NEXMIF: variants seen among roughly 807,000 people sequenced by gnomAD.
NEXMIF encodes the protein XLMR protein related to neurite extension.
Under a neutral mutation model 62.1 loss-of-function variants are expected in NEXMIF, and 8 were observed. The observed-to-expected ratio is 0.13, with a 90% CI of 0.08 to 0.23. The LOEUF (loss-of-function observed/expected upper bound fraction) is 0.23. NEXMIF is among the 10% of genes least tolerant of loss of function. The pLI is 1.00. For synonymous variants in NEXMIF, 404 were observed against 416.6 expected (o/e 0.97, Z 0.37); for missense variants, 976 against 1,113.3 (o/e 0.88, Z 1.75).
intron 1 of NEXMIF, among the ~76,000 whole-genome samples, chrX:74,875,572 C>T (rs1016696928): frequency 8.9e-6 from 1 of 111,862 alleles, no homozygotes; most frequent in Non-Finnish European, 1.9e-5. Context: ...AGGAATGGTA[C>T]CAGTTCCTCC....
Position 74,743,247 on chromosome X carries a change from C to T in NEXMIF, c.1310G>A (p.Gly437Glu). 8.3e-7 allele frequency: 1 copy of T among 1,211,409 alleles called. No individual in the cohort carries two copies. Among genetic ancestry groups the T allele is most frequent in the Non-Finnish European group, 1.1e-6 (1 of 895,447 alleles). The change falls in exon 3 of 4, where the codon GGG becomes GAG. Residue 437 changes from glycine (G) to glutamate (E), a missense_variant. Gly to Glu is a moderately conservative substitution (Grantham distance 98). This residue lies in a region of NEXMIF where 639 missense variants were observed against 694.5 expected (regional missense o/e 0.92). Transcript: ENST00000055682. The stretch of plus-strand genomic sequence containing the variant: ...GAAGGAACTATCATCACTGAAACTC[C>T]CTGATGTCTCCAGGGAATTAGCAAG... Reference protein sequence around the residue: ...GHLANSLETSGSFSDDSSFIE... With the variant: ...GHLANSLETSESFSDDSSFIE...
At chrX:74,917,370 G>A (rs998702203) in intron 1 of NEXMIF, among the ~76,000 whole-genome samples, 5 of 111,880 alleles carry the variant, frequency 4.5e-5, no homozygotes, top group African/African-American at 1.6e-4. Context: ...TTCTTGTACA[G>A]CCTGTGGGAC....
chrX:74,742,470 C>T lies in NEXMIF; in HGVS notation c.2087G>A (p.Gly696Asp). Residue 696 changes from glycine to aspartate, a missense_variant, in exon 3 of 4, where the codon GGC becomes GAC. Around this residue, in one of 5 missense-constraint regions of NEXMIF, gnomAD observed 639 missense variants for 694.5 expected, o/e 0.92. Coordinates refer to ENST00000055682, the MANE Select transcript of NEXMIF (RefSeq NM_001008537.3). Reference sequence around the variant, plus strand: ...GGCTTTGACTTTCACTGAGTCAGGGCCTGTGATGTCATTTAAATGTGATCC... The same window carrying T: ...GGCTTTGACTTTCACTGAGTCAGGGTCTGTGATGTCATTTAAATGTGATCC... Reference protein sequence around the residue: ...ANGSHLNDITGPDSVKVKAQD... With the variant: ...ANGSHLNDITDPDSVKVKAQD... 8.3e-7 allele frequency: 1 copy of T among 1,209,339 alleles called. No individual in the cohort carries two copies. The highest frequency in any genetic ancestry group is 2.3e-4 in the Middle Eastern group (1 of 4,353).
intron 1 of NEXMIF, among the ~76,000 whole-genome samples, chrX:74,911,832 T>C (rs1689045254): frequency 1.8e-5 from 2 of 112,358 alleles, no homozygotes; most frequent in South Asian, 7.5e-4. Flanking sequence ...CAGGTCTTGC[T>C]AAGGGAAAAG....
At chrX:74,889,745 G>GT (rs1491419926) in intron 1 of NEXMIF, among the ~76,000 whole-genome samples, 5 of 79,905 alleles carry the variant, frequency 6.3e-5, no homozygotes, top group Non-Finnish European at 1.3e-4. Context: ...AAAGGAATGA[G>GT]TTAAAAGATC....
In NEXMIF at chrX:74,902,961, T is replaced by C. The variant is rs1057204481; in HGVS notation, c.-48+21922A>G. Among the ~76,000 whole-genome samples the C allele has an allele frequency of 2.7e-5, 3 of 111,493 alleles. No homozygotes were observed. In the Admixed American group the frequency reaches 2.9e-4, roughly 11 times the overall value. On this transcript the variant is annotated intron_variant, in intron 1 of 3. Coordinates refer to ENST00000055682, the MANE Select transcript of NEXMIF (RefSeq NM_001008537.3). ...GCCCAGTTTGAAGGGTAAATGCTAC[T>C]GCAGTGCCTAAGGCCACTCCTTATT...
At chrX:74,796,154 CAT>C (rs1235440687) in intron 1 of NEXMIF, among the ~76,000 whole-genome samples, 13 of 43,837 alleles carry the variant, frequency 3.0e-4, no homozygotes, top group African/African-American at 5.4e-4. Flanking sequence ...TATATATATA[CAT>C]ATATATTATA....
rs148717498 is a variant in NEXMIF at position 74,744,176 on chromosome X, C to T, written c.381G>A (p.Glu127=). The T allele has an allele frequency of 4.7e-5, 57 of 1,209,661 alleles. No homozygotes were observed. Among genetic ancestry groups the T allele is most frequent in the Non-Finnish European group, 6.0e-5 (54 of 895,114 alleles). ...ECEKAPFAIM[E]PAGMSALNGD... ...CATTCAGAGCTGACATGCCTGCAGG[C>T]TCCATTATGGCAAATGGAGCTTTCT... Residue 127 remains glutamate (E), a synonymous_variant, in exon 3 of 4, where the codon GAG becomes GAA. Transcript: ENST00000055682.
chrX:74,745,991 C>T (rs774097073), intron 1 of NEXMIF, among the ~76,000 whole-genome samples: 5 of 111,796 alleles, frequency 4.5e-5, no homozygotes, highest in Admixed American at 1.9e-4. Context: ...AATAGTAATG[C>T]ATTTAACCTA....
chrX:74,905,164 A>C (rs2080763372), intron 1 of NEXMIF, among the ~76,000 whole-genome samples: 2 of 112,122 alleles, frequency 1.8e-5, no homozygotes, highest in South Asian at 7.4e-4. Flanking sequence ...AAATTCCAAA[A>C]CAAGATATTG....
intron 1 of NEXMIF, among the ~76,000 whole-genome samples, chrX:74,908,807 G>A (rs1158948398): frequency 8.9e-6 from 1 of 111,925 alleles, no homozygotes; most frequent in Non-Finnish European, 1.9e-5. Context: ...GTTGTGGGAG[G>A]GACTCAGTGG....
chrX:74,787,083 A>AC (rs2147461673), intron 1 of NEXMIF, among the ~76,000 whole-genome samples: 1 of 85,724 alleles, frequency 1.2e-5, no homozygotes, highest in African/African-American at 4.6e-5. Flanking sequence ...ACATGGTGAA[A>AC]CCCTGTCTCT....
At chrX:74,782,665 C>T (rs1244293090) in intron 1 of NEXMIF, among the ~76,000 whole-genome samples, 1 of 112,169 alleles carries the variant, frequency 8.9e-6, no homozygotes, top group Non-Finnish European at 1.9e-5. Flanking sequence ...CTCCCACCCT[C>T]TTTATGTGCT....
intron 1 of NEXMIF, among the ~76,000 whole-genome samples, chrX:74,924,631 C>G (rs1386896864): frequency 8.8e-6 from 1 of 113,683 alleles, no homozygotes; most frequent in Non-Finnish European, 1.9e-5. Context: ...CCCCTTCCTA[C>G]GGCGCAAGCA....
At chrX:74,856,231 A>G (rs1343545069) in intron 1 of NEXMIF, among the ~76,000 whole-genome samples, 1 of 112,451 alleles carries the variant, frequency 8.9e-6, no homozygotes, top group Non-Finnish European at 1.9e-5. Context: ...ATAAAGACAC[A>G]TAAGTTGTAA....
chrX:74,853,145 G>C (rs1486906405), intron 1 of NEXMIF, among the ~76,000 whole-genome samples: 1 of 110,076 alleles, frequency 9.1e-6, no homozygotes, highest in Non-Finnish European at 1.9e-5. Flanking sequence ...ATTTAGGAGC[G>C]GAAAGTTTAA....
intron 1 of NEXMIF, among the ~76,000 whole-genome samples, chrX:74,773,681 G>A (rs2080218301): frequency 9.0e-6 from 1 of 110,772 alleles, no homozygotes; most frequent in African/African-American, 3.3e-5. Context: ...GCCGAGGCGG[G>A]TGGATCACCT....
chrX:74,862,838 G>C (rs755947991), intron 1 of NEXMIF, among the ~76,000 whole-genome samples: 1 of 111,144 alleles, frequency 9.0e-6, no homozygotes, highest in Non-Finnish European at 1.9e-5. Flanking sequence ...AGCTAAAGCA[G>C]TGTTAAAAGG....
At chrX:74,749,248 G>T (rs941173963) in intron 1 of NEXMIF, among the ~76,000 whole-genome samples, 1 of 111,124 alleles carries the variant, frequency 9.0e-6, no homozygotes, top group Admixed American at 9.6e-5. Flanking sequence ...AACCTTGAAG[G>T]ATGACCTTTC....
Sources: gnomAD v4.1 joint callset for allele counts (sites outside exome capture counted in the v4.1 genomes callset) on GRCh38, gnomAD v4.1.1 for gene constraint, gnomAD v4.1.1 regional missense constraint, MANE v1.5 for transcripts, NCBI Gene and HGNC (gene_info 2026-07-23, HGNC 2026-07-21) for gene names.